Variants in ADAMTS19 observed in about 807,000 individuals in gnomAD.
ADAMTS19 encodes ADAM metallopeptidase with thrombospondin type 1 motif 19.
Under a neutral mutation model 153.3 loss-of-function variants are expected in ADAMTS19, and 93 were observed. The observed-to-expected ratio is 0.61, with a 90% CI of 0.51 to 0.72. ADAMTS19 has a LOEUF of 0.72. Among genes scored for constraint, ADAMTS19 ranks in the 30% least tolerant of loss-of-function variants. The pLI, the probability that ADAMTS19 is intolerant of heterozygous loss-of-function variation, is 0.00. For missense variants in ADAMTS19, 1,482 were observed against 1,552.1 expected (o/e 0.95, Z 0.76); for synonymous variants, 600 against 556.6 (o/e 1.08, Z -1.10).
At chr5:129,623,442 A>G (rs1751877863) in intron 10 of ADAMTS19, among the ~76,000 whole-genome samples, 1 of 152,182 alleles carries the variant, frequency 6.6e-6, no homozygotes, top group South Asian at 2.1e-4. Context: ...TTGGTTAAGT[A>G]TCGCTGAAAC....
chr5:129,530,839 T>C (rs1752175870), intron 6 of ADAMTS19, among the ~76,000 whole-genome samples: 1 of 150,964 alleles, frequency 6.6e-6, no homozygotes, highest in African/African-American at 2.4e-5. Context: ...AGGAAAAGCA[T>C]ACATATTTGG....
At chr5:129,720,282 G>T (rs1338413558) in intron 21 of ADAMTS19, among the ~76,000 whole-genome samples, 5 of 150,628 alleles carry the variant, frequency 3.3e-5, no homozygotes, top group African/African-American at 1.2e-4. Context: ...AGCGATTCTT[G>T]TTCCTCAGCC....
intron 6 of ADAMTS19, among the ~76,000 whole-genome samples, chr5:129,533,979 G>A (rs1270893432): frequency 1.3e-5 from 2 of 152,058 alleles, no homozygotes; most frequent in African/African-American, 2.4e-5. Flanking sequence ...TATAATTTCT[G>A]TTCTTTTATA....
chr5:129,646,691 G>T (rs1753080366), intron 11 of ADAMTS19, among the ~76,000 whole-genome samples: 1 of 152,024 alleles, frequency 6.6e-6, no homozygotes, highest in Non-Finnish European at 1.5e-5. Flanking sequence ...TCACATTTTA[G>T]AAATGAGCAA....
intron 17 of ADAMTS19, among the ~76,000 whole-genome samples, chr5:129,681,077 A>C (rs576967115): frequency 3.9e-5 from 6 of 152,354 alleles, no homozygotes; most frequent in African/African-American, 1.4e-4. Flanking sequence ...ATTATTTAAT[A>C]TCTCCACATG....
chr5:129,673,892 T>C (rs1408511333), intron 16 of ADAMTS19, among the ~76,000 whole-genome samples: 2 of 152,232 alleles, frequency 1.3e-5, no homozygotes, highest in Non-Finnish European at 2.9e-5. Flanking sequence ...TGTCTTTTTT[T>C]AAATCTCAAA....
chr5:129,462,146 C>T (rs913963264), intron 2 of ADAMTS19, among the ~76,000 whole-genome samples: 13 of 152,304 alleles, frequency 8.5e-5, no homozygotes, highest in African/African-American at 3.1e-4. Flanking sequence ...TGATGAATCT[C>T]CTTCGTGTTT....
At chr5:129,633,880 A>G (rs1752417157) in intron 10 of ADAMTS19, among the ~76,000 whole-genome samples, 2 of 151,946 alleles carry the variant, frequency 1.3e-5, no homozygotes, top group Admixed American at 1.3e-4. Flanking sequence ...CCCTCTGGAA[A>G]TCTCCCTTCA....
At chr5:129,579,541 A>G (rs1048666598) in intron 7 of ADAMTS19, among the ~76,000 whole-genome samples, 2 of 152,134 alleles carry the variant, frequency 1.3e-5, no homozygotes, top group Admixed American at 6.5e-5. Context: ...GGTATTACCT[A>G]GGTTTTCTTC....
chr5:129,596,317 A>C (rs1750374137), intron 7 of ADAMTS19, among the ~76,000 whole-genome samples: 1 of 152,074 alleles, frequency 6.6e-6, no homozygotes, highest in Non-Finnish European at 1.5e-5. Context: ...CCTTTTGGGA[A>C]CTTGATAATT....
chr5:129,613,775 T>C (rs930392546), intron 8 of ADAMTS19, among the ~76,000 whole-genome samples: 12 of 151,916 alleles, frequency 7.9e-5, no homozygotes, highest in Admixed American at 6.6e-4. Flanking sequence ...TCAACAAAAT[T>C]GATAGACTGC....
At chr5:129,728,372 T>TA (rs933241465) in intron 21 of ADAMTS19, among the ~76,000 whole-genome samples, 12 of 152,174 alleles carry the variant, frequency 7.9e-5, no homozygotes, top group Admixed American at 4.6e-4. Context: ...CTTCTTTTTT[T>TA]AAATTATACT....
At chr5:129,734,754 C>T (rs1325125738) in intron 21 of ADAMTS19, among the ~76,000 whole-genome samples, 178 bp from the exon 22 acceptor site, 1 of 151,980 alleles carries the variant, frequency 6.6e-6, no homozygotes, top group Non-Finnish European at 1.5e-5. Flanking sequence ...TTCTCAAAGG[C>T]ATTGTGCCCA....
Position 129,738,369 on chromosome 5 carries a change from C to T in ADAMTS19, c.*1151C>T, listed in dbSNP as rs893259341. ...AATTCTTCATAGACTTGTCACATATCCACATGTCTGATGAACAAAGGTACT... is the reference window on the plus strand; with the variant it reads ...AATTCTTCATAGACTTGTCACATATTCACATGTCTGATGAACAAAGGTACT... On this transcript the variant is annotated 3_prime_UTR_variant, in exon 23 of 23. Transcript: ENST00000274487. The T allele has an allele frequency of 3.3e-5, 5 of 151,926 alleles. No homozygotes were observed. Among genetic ancestry groups the T allele is most frequent in the Non-Finnish European group, 7.4e-5 (5 of 67,984 alleles). 9.4% of individuals were successfully genotyped at this position (151,926 alleles called of 1,614,324 possible).
In ADAMTS19 at chr5:129,461,810, GC is replaced by G. The variant is rs1295271623; in HGVS notation, c.747+56del. The G allele has an allele frequency of 1.4e-6, 2 of 1,468,990 alleles. No individual in the cohort carries two copies. Among genetic ancestry groups the G allele is most frequent in the African/African-American group, 2.9e-5 (2 of 68,838 alleles). 91.0% of individuals were successfully genotyped at this position (1,468,990 alleles called of 1,614,324 possible). ...ATTTTCCCCTGCTGCTCCTCTCCTTGCCCATAGGTCAGGATGATTTGCATGC... is the reference window on the plus strand; with the variant it reads ...ATTTTCCCCTGCTGCTCCTCTCCTTGCCATAGGTCAGGATGATTTGCATGC... On this transcript the variant is annotated intron_variant, in intron 2 of 22. Coordinates refer to ENST00000274487, the MANE Select transcript of ADAMTS19 (RefSeq NM_133638.6). This position sits in a 1 kb window ranked among gnomAD's most constrained non-coding sequence, Gnocchi z 4.6.
chr5:129,554,425 A>G (rs1014865229), intron 7 of ADAMTS19, among the ~76,000 whole-genome samples: 13 of 152,118 alleles, frequency 8.5e-5, no homozygotes, highest in Admixed American at 2.6e-4. Flanking sequence ...TAGTTGAGAC[A>G]TATGATCTAT....
chr5:129,503,379 C>A (rs1416063252), intron 2 of ADAMTS19, among the ~76,000 whole-genome samples: 1 of 151,994 alleles, frequency 6.6e-6, no homozygotes, highest in Admixed American at 6.6e-5. Context: ...CAAATCACTC[C>A]CATTTACAGT....
At chr5:129,631,397 TTATTA>T in intron 10 of ADAMTS19, among the ~76,000 whole-genome samples, 1 of 151,944 alleles carries the variant, frequency 6.6e-6, no homozygotes, top group Middle Eastern at 3.2e-3. Flanking sequence ...AAATCGTCTT[TTATTA>T]TGTGTATGGA....
chr5:129,560,506 C>A (rs1322619988), intron 7 of ADAMTS19, among the ~76,000 whole-genome samples: 1 of 152,180 alleles, frequency 6.6e-6, no homozygotes, highest in African/African-American at 2.4e-5. Flanking sequence ...TATAGGCAAC[C>A]AGCACATCAG....
Sources: allele counts gnomAD v4.1 joint callset (sites outside exome capture counted in the v4.1 genomes callset), GRCh38; gene constraint gnomAD v4.1.1; non-coding constraint Gnocchi (gnomAD v3.1); transcripts MANE v1.5; gene names NCBI Gene and HGNC (gene_info 2026-07-23, HGNC 2026-07-21).